The following WWOX variants were observed in gnomAD, a reference collection of about 807,000 sequenced individuals.
WWOX encodes the protein WW domain-containing oxidoreductase.
A neutral mutation model predicts 46.2 loss-of-function variants in WWOX; 69 were observed. The observed-to-expected ratio is 1.49, with a 90% CI of 1.23 to 1.82. WWOX has a LOEUF of 1.82. Ranked by LOEUF, WWOX falls within the 40% of genes most tolerant of loss-of-function variation. The pLI, the probability that WWOX is intolerant of heterozygous loss-of-function variation, is 0.00. For missense variants in WWOX, 919 were observed against 542.6 expected (o/e 1.69, Z -6.89); for synonymous variants, 359 against 202.6 (o/e 1.77, Z -6.56).
chr16:78,701,171 T>A (rs906370847), intron 8 of WWOX, among the ~76,000 whole-genome samples: 14 of 152,202 alleles, frequency 9.2e-5, no homozygotes, highest in Admixed American at 8.5e-4. Context: ...TAACAGGACC[T>A]GGCATGCAGT....
intron 8 of WWOX, among the ~76,000 whole-genome samples, chr16:78,936,454 C>T (rs1471950141): frequency 1.3e-5 from 2 of 152,072 alleles, no homozygotes; most frequent in South Asian, 2.1e-4. Flanking sequence ...GTAGGCTTAG[C>T]TACTCAGTGA....
At chr16:78,833,523 G>A (rs182934814) in intron 8 of WWOX, among the ~76,000 whole-genome samples, 134 of 152,098 alleles carry the variant, frequency 8.8e-4, no homozygotes, top group Non-Finnish European at 1.7e-3. Context: ...TACCTACAAC[G>A]TGCAGTGAGG....
chr16:78,632,033 T>TA lies in WWOX; in HGVS notation c.1056+199289dup, dbSNP rs767839365. Among the ~76,000 whole-genome samples, 8 of 146,260 alleles carry TA rather than the reference T, an allele frequency of 5.5e-5. No individual in the cohort carries two copies. The South Asian group carries it at 6.5e-4, about 12-fold the overall frequency. ...GATTTCAGACCTCCCAATTTTTTCT[T>TA]AAAAAAAATAAAAGTCTTCTTGGTC... On this transcript the variant is annotated intron_variant, in intron 8 of 8. Transcript: ENST00000566780.
chr16:78,320,657 C>G (rs889706843), intron 5 of WWOX, among the ~76,000 whole-genome samples: 4 of 152,180 alleles, frequency 2.6e-5, no homozygotes, highest in Non-Finnish European at 5.9e-5. Flanking sequence ...AGCCAAACAT[C>G]TGGATGAAGA....
intron 8 of WWOX, among the ~76,000 whole-genome samples, chr16:78,786,636 T>G (rs145869254): frequency 6.6e-6 from 1 of 152,196 alleles, no homozygotes; most frequent in Admixed American, 6.5e-5. Flanking sequence ...TTATGTAATT[T>G]TCATCAAAAT....
Position 78,980,975 on chromosome 16 carries a change from T to C in WWOX, c.1057-230633T>C, listed in dbSNP as rs572893961. ...AAGTCACAGGGTTGGCCCCACAGTT[T>C]AGTTCTTGGCTTATGTAGAAATCTG... On this transcript the variant is annotated intron_variant, in intron 8 of 8. Transcript: ENST00000566780. Among the ~76,000 whole-genome samples, 5 of 152,304 alleles carry C rather than the reference T, an allele frequency of 3.3e-5. No individual in the cohort carries two copies. In the East Asian group the frequency reaches 9.7e-4, roughly 29 times the overall value.
intron 8 of WWOX, among the ~76,000 whole-genome samples, chr16:78,876,279 C>A (rs2044232215): frequency 6.6e-6 from 1 of 151,664 alleles, no homozygotes; most frequent in African/African-American, 2.4e-5. Flanking sequence ...TAATATTGTA[C>A]CCATTGTACT....
intron 8 of WWOX, among the ~76,000 whole-genome samples, chr16:78,965,250 A>G (rs754490012): frequency 2.0e-5 from 3 of 152,184 alleles, no homozygotes; most frequent in Non-Finnish European, 4.4e-5. Flanking sequence ...GATAGTATTG[A>G]TGGTTGAACA....
intron 8 of WWOX, among the ~76,000 whole-genome samples, chr16:79,195,203 C>T (rs1263955076): frequency 2.6e-5 from 4 of 152,092 alleles, no homozygotes; most frequent in African/African-American, 9.7e-5. Flanking sequence ...GAAGTAGATT[C>T]TGCAACTGAG....
chr16:78,604,594 ATTAT>A (rs2045699371), intron 8 of WWOX, among the ~76,000 whole-genome samples: 1 of 151,728 alleles, frequency 6.6e-6, no homozygotes, highest in Non-Finnish European at 1.5e-5. Context: ...TTAGGATTCT[ATTAT>A]TTACCCTTTT....
intron 7 of WWOX, among the ~76,000 whole-genome samples, chr16:78,426,338 A>T (rs1166769005): frequency 6.6e-6 from 1 of 152,152 alleles, no homozygotes; most frequent in African/African-American, 2.4e-5. Context: ...GCACCACGGG[A>T]TATGTTTAAA....
intron 5 of WWOX, among the ~76,000 whole-genome samples, chr16:78,254,363 G>A (rs2038065991): frequency 6.6e-6 from 1 of 151,040 alleles, no homozygotes; most frequent in Admixed American, 6.6e-5. Context: ...GGGATTACAG[G>A]TGTGAGCCAC....
intron 8 of WWOX, among the ~76,000 whole-genome samples, chr16:79,099,696 T>C (rs1371308620): frequency 6.6e-6 from 1 of 152,098 alleles, no homozygotes; most frequent in East Asian, 1.9e-4. Context: ...AATACATGGG[T>C]ATGGGCCGAA....
At chr16:78,485,866 A>G (rs1041385423) in intron 8 of WWOX, among the ~76,000 whole-genome samples, 1 of 152,244 alleles carries the variant, frequency 6.6e-6, no homozygotes, top group African/African-American at 2.4e-5. Context: ...TCAGAATGTC[A>G]GCATGGATCA....
intron 5 of WWOX, among the ~76,000 whole-genome samples, chr16:78,188,419 C>T (rs568276126): frequency 6.8e-5 from 10 of 147,416 alleles, no homozygotes; most frequent in African/African-American, 2.3e-4. Flanking sequence ...ACCCAGGAGG[C>T]GGAGATTGCA....
At chr16:78,995,610 G>A (rs899493797) in intron 8 of WWOX, among the ~76,000 whole-genome samples, 7 of 152,026 alleles carry the variant, frequency 4.6e-5, no homozygotes, top group African/African-American at 1.7e-4. Flanking sequence ...AGAAAAAACT[G>A]CAAAACCGCA....
chr16:78,619,648 T>C (rs1008920390), intron 8 of WWOX, among the ~76,000 whole-genome samples: 3 of 152,124 alleles, frequency 2.0e-5, no homozygotes, highest in African/African-American at 7.2e-5. Context: ...CTCATGTCTG[T>C]AAAGCCAGCA....
intron 8 of WWOX, among the ~76,000 whole-genome samples, chr16:78,615,078 G>A (rs1249126906): frequency 6.6e-6 from 1 of 152,016 alleles, no homozygotes; most frequent in Non-Finnish European, 1.5e-5. Flanking sequence ...CTGAGTCTGG[G>A]GACACTCTAG....
intron 5 of WWOX, among the ~76,000 whole-genome samples, chr16:78,286,410 C>G (rs979875422): frequency 6.6e-6 from 1 of 152,286 alleles, no homozygotes; most frequent in East Asian, 1.9e-4. Flanking sequence ...TATTGTTAGA[C>G]TTAGCTGAAG....
Sources: gnomAD v4.1 joint callset for allele counts (sites outside exome capture counted in the v4.1 genomes callset) on GRCh38, gnomAD v4.1.1 for gene constraint, MANE v1.5 for transcripts, NCBI Gene and HGNC (gene_info 2026-07-23, HGNC 2026-07-21) for gene names.